MAST4: variants seen among roughly 807,000 people sequenced by gnomAD.
MAST4 encodes microtubule associated serine/threonine kinase family member 4, also known as microtubule-associated serine/threonine-protein kinase 4.
In MAST4, 89 loss-of-function variants were observed where a neutral mutation model predicts 162.7. That is an observed-to-expected ratio of 0.55 (90% CI 0.46 to 0.65). The LOEUF (loss-of-function observed/expected upper bound fraction) is 0.65, where lower values mean the gene tolerates loss of function less well. Among genes scored for constraint, MAST4 ranks in the 30% least tolerant of loss-of-function variants. MAST4 has a pLI of 0.00. For missense variants in MAST4, 3,153 were observed against 3,374.0 expected, an observed-to-expected ratio of 0.93 and a Z score of 1.62; for synonymous variants, 1,479 against 1,361.1, an observed-to-expected ratio of 1.09 and a Z score of -1.91.
chr5:66,767,188 T>TG (rs1337516773), intron 2 of MAST4, among the ~76,000 whole-genome samples: 1 of 150,606 alleles, frequency 6.6e-6, no homozygotes, highest in Non-Finnish European at 1.5e-5. Context: ...TGTGTGTGTG[T>TG]GTGTGTGTGT....
intron 5 of MAST4, among the ~76,000 whole-genome samples, chr5:67,077,006 C>T (rs941063620): frequency 6.6e-5 from 10 of 152,134 alleles, no homozygotes; most frequent in Non-Finnish European, 1.2e-4. Context: ...ATTAACTGCC[C>T]TGTAGGTTCT....
intron 4 of MAST4, among the ~76,000 whole-genome samples, chr5:67,048,278 TA>T (rs974561982): frequency 6.6e-6 from 1 of 152,094 alleles, no homozygotes; most frequent in Non-Finnish European, 1.5e-5. Context: ...AGGAATAATC[TA>T]AAAAGGGAAT....
chr5:67,038,692 T>C (rs1756340285), intron 4 of MAST4, among the ~76,000 whole-genome samples: 1 of 152,204 alleles, frequency 6.6e-6, no homozygotes, highest in Non-Finnish European at 1.5e-5. Context: ...TTTTAAAATA[T>C]TGACACATTT....
chr5:67,032,324 T>A lies in MAST4; in HGVS notation c.675-22080T>A, dbSNP rs566081696. 5.9e-5 allele frequency among the ~76,000 whole-genome samples: 9 copies of A among 152,258 alleles called. No individual in the cohort carries two copies. The East Asian group carries it at 1.7e-3, about 29-fold the overall frequency. ...AGGGGGAGATTTAAGAAAGGTTGGG[T>A]TTTATTATGACTAAACTTCCCCACC... On this transcript the variant is annotated intron_variant, in intron 4 of 28. Transcript: ENST00000403625.
At chr5:66,803,868 T>C (rs1399905559) in intron 3 of MAST4, among the ~76,000 whole-genome samples, 2 of 152,140 alleles carry the variant, frequency 1.3e-5, no homozygotes, top group African/African-American at 4.8e-5. Flanking sequence ...GTGGTGATAC[T>C]ACACATCCTT....
chr5:66,780,329 G>A (rs564977451), intron 2 of MAST4, among the ~76,000 whole-genome samples: 1 of 151,998 alleles, frequency 6.6e-6, no homozygotes, highest in Non-Finnish European at 1.5e-5. Context: ...GTCCAGAATT[G>A]GTTCCTTCTG....
intron 3 of MAST4, among the ~76,000 whole-genome samples, chr5:66,879,969 G>A (rs1216818416): frequency 6.6e-6 from 1 of 152,202 alleles, no homozygotes; most frequent in African/African-American, 2.4e-5. Flanking sequence ...CATGCTGAAT[G>A]AGTCCTGGAA....
intron 2 of MAST4, among the ~76,000 whole-genome samples, chr5:66,779,097 A>G (rs1416276671): frequency 6.6e-6 from 1 of 152,246 alleles, no homozygotes; most frequent in Non-Finnish European, 1.5e-5. Context: ...TATGTTAAGT[A>G]TGGAATGCTG....
At chr5:67,066,838 A>T (rs937814283) in intron 5 of MAST4, among the ~76,000 whole-genome samples, 1 of 152,224 alleles carries the variant, frequency 6.6e-6, no homozygotes, top group Non-Finnish European at 1.5e-5. Context: ...GAAGCCAGAG[A>T]TTGTATCCAC....
At chr5:67,064,317 A>C (rs1305048085) in intron 5 of MAST4, among the ~76,000 whole-genome samples, 1 of 152,164 alleles carries the variant, frequency 6.6e-6, no homozygotes, top group Non-Finnish European at 1.5e-5. Flanking sequence ...GGGTGCCCAC[A>C]ATGAGGGAGG....
At chr5:67,151,682 G>A (rs1225572375) in intron 24 of MAST4, among the ~76,000 whole-genome samples, 1 of 150,462 alleles carries the variant, frequency 6.6e-6, no homozygotes, top group Non-Finnish European at 1.5e-5. Context: ...TGTCACCACA[G>A]TAATGTTATT....
At chr5:66,866,324 G>A (rs1436814925) in intron 3 of MAST4, among the ~76,000 whole-genome samples, 1 of 152,050 alleles carries the variant, frequency 6.6e-6, no homozygotes, top group East Asian at 1.9e-4. Flanking sequence ...CTCCTTACAA[G>A]GTTATTAATA....
At chr5:66,983,242 G>A (rs75629820) in intron 4 of MAST4, among the ~76,000 whole-genome samples, 143 of 152,250 alleles carry the variant, frequency 9.4e-4, no homozygotes, top group African/African-American at 3.4e-3. Context: ...TGAGATCCCT[G>A]GTCAAACCAA....
intron 1 of MAST4, among the ~76,000 whole-genome samples, chr5:66,715,688 TAAAA>T (rs575320232): frequency 1.1e-5 from 1 of 90,022 alleles, no homozygotes; most frequent in African/African-American, 4.0e-5. Context: ...AAATAAAAAT[TAAAA>T]AAAAAATTTA....
chr5:66,941,710 G>T (rs1743390814), intron 4 of MAST4, among the ~76,000 whole-genome samples: 1 of 152,158 alleles, frequency 6.6e-6, no homozygotes, highest in Non-Finnish European at 1.5e-5. Flanking sequence ...AGAAGGTCTA[G>T]CTTTCCGTCT....
chr5:66,730,249 A>G (rs185613650), intron 1 of MAST4, among the ~76,000 whole-genome samples: 44 of 152,300 alleles, frequency 2.9e-4, no homozygotes, highest in Non-Finnish European at 5.0e-4. Context: ...GAAATCCCCA[A>G]ATCTCCTCCC....
chr5:66,914,190 A>C (rs1763956778), intron 4 of MAST4, among the ~76,000 whole-genome samples: 2 of 152,164 alleles, frequency 1.3e-5, no homozygotes, highest in African/African-American at 4.8e-5. Context: ...GAATCCATAG[A>C]TCAATCTGAG....
rs558023064 is a variant in MAST4 at position 66,614,995 on chromosome 5, C to T, written c.363+17977C>T. The stretch of plus-strand genomic sequence containing the variant: ...TGTGTTGTCTTTTTCTGGTATTTCA[C>T]GCAGGAACCAGGACCCTTGTAAGGC... On this transcript the variant is annotated intron_variant, in intron 1 of 28. Coordinates refer to ENST00000403625, the MANE Select transcript of MAST4 (RefSeq NM_001164664.2). Among the ~76,000 whole-genome samples, 244 of 152,290 alleles carry T rather than the reference C, an allele frequency of 1.6e-3. 2 individuals carry two copies. Among genetic ancestry groups the T allele is most frequent in the African/African-American group, 5.1e-3 (210 of 41,560 alleles).
At chr5:66,637,158 T>C (rs1198817663) in intron 1 of MAST4, among the ~76,000 whole-genome samples, 3 of 152,144 alleles carry the variant, frequency 2.0e-5, no homozygotes, top group Admixed American at 6.5e-5. Flanking sequence ...TTAGAAAAGC[T>C]AGACTTGTAA....
Sources: gnomAD v4.1 joint callset for allele counts (sites outside exome capture counted in the v4.1 genomes callset) on GRCh38, gnomAD v4.1.1 for gene constraint, MANE v1.5 for transcripts, NCBI Gene and HGNC (gene_info 2026-07-23, HGNC 2026-07-21) for gene names.